Variants in TTPAL observed in about 807,000 individuals in gnomAD.
TTPAL encodes the protein alpha-tocopherol transfer protein-like.
A neutral mutation model predicts 28.7 loss-of-function variants in TTPAL; 21 were observed. The observed-to-expected ratio is 0.73, with a 90% CI of 0.52 to 1.06. The LOEUF (loss-of-function observed/expected upper bound fraction) is 1.06. Ranked by LOEUF, TTPAL falls within the 50% of genes least tolerant of loss-of-function variation. TTPAL has a pLI of 0.00. For synonymous variants in TTPAL, 169 were observed against 171.9 expected, an observed-to-expected ratio of 0.98 and a Z score of 0.13; for missense variants, 345 against 425.5, an observed-to-expected ratio of 0.81 and a Z score of 1.67.
At chr20:44,486,918 C>G (rs1271770906) in intron 4 of TTPAL, among the ~76,000 whole-genome samples, 2 of 152,040 alleles carry the variant, frequency 1.3e-5, no homozygotes. Flanking sequence ...AGAGCAGAAC[C>G]AGGATTTTTA....
At chr20:44,487,265 G>GT (rs1385414533) in intron 4 of TTPAL, among the ~76,000 whole-genome samples, 11 of 148,400 alleles carry the variant, frequency 7.4e-5, no homozygotes, top group Admixed American at 7.4e-4. Flanking sequence ...TTGGGCAACA[G>GT]TGAGACTGTC....
chr20:44,489,553 G>C lies in TTPAL; in HGVS notation c.*12G>C. ...ACTCCTGCTACTAGCCCGTCCCCCAGGGTCACCATCTTTAATTCTTTTCCT... is the reference window on the plus strand; with the variant it reads ...ACTCCTGCTACTAGCCCGTCCCCCACGGTCACCATCTTTAATTCTTTTCCT... On this transcript the variant is annotated 3_prime_UTR_variant, in exon 5 of 5. Coordinates refer to ENST00000262605, the MANE Select transcript of TTPAL (RefSeq NM_001039199.3). 1 of 1,607,658 alleles carries C rather than the reference G, an allele frequency of 6.2e-7. No homozygotes were observed. The highest frequency in any genetic ancestry group is 8.5e-7 in the Non-Finnish European group (1 of 1,175,886).
chr20:44,486,532 T>C (rs1485547791), intron 3 of TTPAL, 64 bp from the exon 4 acceptor site: 5 of 984,794 alleles, frequency 5.1e-6, no homozygotes, highest in South Asian at 2.8e-5. Context: ...AAGATTTAAC[T>C]TGGGGGAGGA....
chr20:44,489,887 A>C lies in TTPAL; in HGVS notation c.*346A>C, dbSNP rs1461833899. 2 of 228,236 alleles carry C rather than the reference A, an allele frequency of 8.8e-6. No homozygotes were observed. Among genetic ancestry groups the C allele is most frequent in the Non-Finnish European group, 1.7e-5 (2 of 114,914 alleles). 14.1% of individuals were successfully genotyped at this position (228,236 alleles called of 1,614,324 possible). A position where few individuals can be genotyped will look rare whatever the true frequency, so the allele number is the denominator to read the frequency against. On this transcript the variant is annotated 3_prime_UTR_variant, in exon 5 of 5. Coordinates refer to ENST00000262605, the MANE Select transcript of TTPAL (RefSeq NM_001039199.3). Reference sequence around the variant, plus strand: ...AGCAAGAACAATCAGGACCAAAGTCACTTTGATCCCACTTTTCCAGGAGAA... The same window carrying C: ...AGCAAGAACAATCAGGACCAAAGTCCCTTTGATCCCACTTTTCCAGGAGAA...
rs1848645915 is a variant in TTPAL at position 44,490,612 on chromosome 20, C to T, written c.*1071C>T. The T allele has an allele frequency of 6.6e-6, 1 of 152,334 alleles. No homozygotes were observed. 9.4% of individuals were successfully genotyped at this position (152,334 alleles called of 1,614,324 possible). A position where few individuals can be genotyped will look rare whatever the true frequency, so the allele number is the denominator to read the frequency against. On this transcript the variant is annotated 3_prime_UTR_variant, in exon 5 of 5. Coordinates refer to ENST00000262605, the MANE Select transcript of TTPAL (RefSeq NM_001039199.3). ...GAAACTATTATGTGTATTCCTGGGA[C>T]TCACTGACACCAATTTTCTTTTTAT...
chr20:44,487,463 A>AT (rs1037491548), intron 4 of TTPAL, among the ~76,000 whole-genome samples: 1 of 151,994 alleles, frequency 6.6e-6, no homozygotes, highest in African/African-American at 2.4e-5. Context: ...TCTAAAATAA[A>AT]TTTTTTTTAA....
chr20:44,489,673 A>G lies in TTPAL; in HGVS notation c.*132A>G. 2 of 1,039,098 alleles carry G rather than the reference A, an allele frequency of 1.9e-6. No individual in the cohort carries two copies. The highest frequency in any genetic ancestry group is 2.7e-6 in the Non-Finnish European group (2 of 736,416). 64.4% of individuals were successfully genotyped at this position (1,039,098 alleles called of 1,614,324 possible). A position where few individuals can be genotyped will look rare whatever the true frequency, so the allele number is the denominator to read the frequency against. On this transcript the variant is annotated 3_prime_UTR_variant, in exon 5 of 5. Coordinates refer to ENST00000262605, the MANE Select transcript of TTPAL (RefSeq NM_001039199.3). ...CTGCAGGATGGAGGAACAGCCTGAGATATGAGCATGAGCCCATTTTGGGGT... is the reference window on the plus strand; with the variant it reads ...CTGCAGGATGGAGGAACAGCCTGAGGTATGAGCATGAGCCCATTTTGGGGT...
rs2064186106 is a variant in TTPAL, at chr20:44,489,594, G to C, written c.*53G>C. ...TTCTTTTCCTTCTTTTCTTTGGAGA[G>C]GCACAAGGAGAATTTAAGGGTCCAT... On this transcript the variant is annotated 3_prime_UTR_variant, in exon 5 of 5. Coordinates refer to ENST00000262605, the MANE Select transcript of TTPAL (RefSeq NM_001039199.3). 1.3e-6 allele frequency: 2 copies of C among 1,538,182 alleles called. No homozygotes were observed. Among genetic ancestry groups the C allele is most frequent in the Non-Finnish European group, 1.8e-6 (2 of 1,140,022 alleles).
chr20:44,487,009 A>C (rs1030393873), intron 4 of TTPAL, among the ~76,000 whole-genome samples: 25 of 151,896 alleles, frequency 1.6e-4, no homozygotes, highest in African/African-American at 6.0e-4. Context: ...CCTGGGGCAC[A>C]GTGGCTCACG....
At chr20:44,482,544 G>A (rs1482973178) in intron 2 of TTPAL, among the ~76,000 whole-genome samples, 1 of 147,164 alleles carries the variant, frequency 6.8e-6, no homozygotes, top group African/African-American at 2.5e-5. Flanking sequence ...CTGCACTCCA[G>A]CCTGGGTGAC....
chr20:44,479,831 T>G, intron 1 of TTPAL, 154 bp from the exon 2 acceptor site: 1 of 670,936 alleles, frequency 1.5e-6, no homozygotes, highest in Non-Finnish European at 2.5e-6. Context: ...CAGACTTGCG[T>G]GTATGGTTTA....
intron 3 of TTPAL, among the ~76,000 whole-genome samples, chr20:44,485,111 C>G (rs1055333555): frequency 1.3e-5 from 2 of 152,134 alleles, no homozygotes; most frequent in Non-Finnish European, 2.9e-5. Flanking sequence ...AAAACTCTGT[C>G]TCAGAAAACA....
At chr20:44,478,212 C>A (rs1249757279) in intron 1 of TTPAL, among the ~76,000 whole-genome samples, 5 of 152,160 alleles carry the variant, frequency 3.3e-5, no homozygotes, top group Non-Finnish European at 7.4e-5. Context: ...GCAACCCTTG[C>A]GAAGGACAGC....
intron 1 of TTPAL, among the ~76,000 whole-genome samples, chr20:44,479,233 T>C (rs1456916376): frequency 2.0e-5 from 3 of 152,158 alleles, no homozygotes; most frequent in Non-Finnish European, 2.9e-5. Flanking sequence ...ATTATGCATA[T>C]ATATACAAGT....
chr20:44,481,935 A>AATATTACAACACAGTCAG (rs1222890017), intron 2 of TTPAL, among the ~76,000 whole-genome samples: 22 of 152,310 alleles, frequency 1.4e-4, no homozygotes, highest in Admixed American at 4.6e-4. Context: ...AACTCATAAG[A>AATATTACAACACAGTCAG]ATATTACAAC....
chr20:44,485,472 C>T lies in TTPAL; in HGVS notation c.639+942C>T, dbSNP rs143273798. On this transcript the variant is annotated intron_variant, in intron 3 of 4. Coordinates refer to ENST00000262605, the MANE Select transcript of TTPAL (RefSeq NM_001039199.3). ...TCACAGCTGTGACAGGTTTTGATTA[C>T]TTGTTCATTCTGACCCACCACGTGG... Among the ~76,000 whole-genome samples the T allele has an allele frequency of 5.0e-3, 760 of 152,280 alleles. 3 individuals carry two copies. The highest frequency in any genetic ancestry group is 0.017 in the African/African-American group (707 of 41,558).
At chr20:44,485,272 C>A (rs761752890) in intron 3 of TTPAL, among the ~76,000 whole-genome samples, 2 of 152,130 alleles carry the variant, frequency 1.3e-5, no homozygotes. Flanking sequence ...ACATGAGTCA[C>A]TGGGGACTGT....
chr20:44,481,390 T>TA (rs912046403), intron 2 of TTPAL, among the ~76,000 whole-genome samples: 7 of 150,906 alleles, frequency 4.6e-5, no homozygotes, highest in African/African-American at 1.5e-4. Context: ...ACAAAAAATT[T>TA]AAAAAAAAAT....
At chr20:44,479,397 TTG>T (rs1491551005) in intron 1 of TTPAL, among the ~76,000 whole-genome samples, 129 of 130,510 alleles carry the variant, frequency 9.9e-4, no homozygotes, top group Middle Eastern at 7.4e-3. Flanking sequence ...TGAATCTGAG[TTG>T]TTTTTTTTTT....
Sources: gnomAD v4.1 joint callset for allele counts (sites outside exome capture counted in the v4.1 genomes callset) on GRCh38, gnomAD v4.1.1 for gene constraint, MANE v1.5 for transcripts, NCBI Gene and HGNC (gene_info 2026-07-23, HGNC 2026-07-21) for gene names.